The following YTHDF1 variants were observed in gnomAD, a reference collection of about 807,000 sequenced individuals.
YTHDF1 encodes the protein YTH domain-containing family protein 1.
YTHDF1 carries 16 observed loss-of-function variants against 49.1 expected under a neutral mutation model. The ratio of observed to expected loss-of-function variants is 0.33; its 90% CI spans 0.22 to 0.49. The LOEUF (loss-of-function observed/expected upper bound fraction) is 0.49, where lower values mean the gene tolerates loss of function less well. Among genes scored for constraint, YTHDF1 ranks in the 20% least tolerant of loss-of-function variants. The pLI, the probability that YTHDF1 is intolerant of heterozygous loss-of-function variation, is 0.99. For synonymous variants in YTHDF1, 313 were observed against 290.1 expected, an observed-to-expected ratio of 1.08 and a Z score of -0.80; for missense variants, 621 against 744.3, an observed-to-expected ratio of 0.83 and a Z score of 1.93.
intron 3 of YTHDF1, among the ~76,000 whole-genome samples, chr20:63,205,751 C>G (rs546511886): frequency 6.6e-6 from 1 of 152,148 alleles, no homozygotes; most frequent in African/African-American, 2.4e-5. Flanking sequence ...TCAGGTGATC[C>G]ACCCGCCTCG....
chr20:63,207,228 G>A (rs2066550800), intron 3 of YTHDF1, among the ~76,000 whole-genome samples: 1 of 152,168 alleles, frequency 6.6e-6, no homozygotes, highest in South Asian at 2.1e-4. Flanking sequence ...CAGCACTTTG[G>A]GAGGCTGAGG....
chr20:63,207,465 TC>T (rs1306113355), intron 3 of YTHDF1, among the ~76,000 whole-genome samples: 1 of 122,648 alleles, frequency 8.2e-6, no homozygotes, highest in African/African-American at 3.0e-5. Context: ...CAAGACTCTG[TC>T]CCCCCCACCC....
Position 63,203,443 on chromosome 20 carries a change from T to G in YTHDF1, c.497A>C (p.Gln166Pro), listed in dbSNP as rs1601234319. ...GAGGGTGTCGCTGTGAAAGCCTGGC[T>G]GCCCATCAACCACCGTGCCACCCAG... ...SSLGGTVVDG[Q>P]PGFHSDTLSK... Residue 166 changes from glutamine (Q) to proline (P), a missense_variant, in exon 4 of 5, where the codon CAG becomes CCG. Around this residue, in one of 2 missense-constraint regions of YTHDF1, gnomAD observed 470 missense variants for 495.8 expected, o/e 0.95. Transcript: ENST00000370339. This position sits in a 1 kb window ranked among gnomAD's most constrained non-coding sequence, Gnocchi z 4.4. 4 of 1,612,770 alleles carry G rather than the reference T, an allele frequency of 2.5e-6. No homozygotes were observed. Among genetic ancestry groups the G allele is most frequent in the Non-Finnish European group, 2.5e-6 (3 of 1,179,554 alleles).
chr20:63,214,236 C>A, intron 2 of YTHDF1: 1 of 542,334 alleles, frequency 1.8e-6, no homozygotes, highest in Non-Finnish European at 2.4e-6. Flanking sequence ...AGGGTGAAAA[C>A]TGACATGGTC....
intron 2 of YTHDF1, among the ~76,000 whole-genome samples, chr20:63,215,276 C>T (rs1231771608): frequency 3.3e-5 from 5 of 152,200 alleles, no homozygotes; most frequent in Non-Finnish European, 7.3e-5. Flanking sequence ...AGGCAAGTCG[C>T]TCAACCCCTG....
chr20:63,206,355 G>A (rs1343455952), intron 3 of YTHDF1, among the ~76,000 whole-genome samples: 1 of 152,196 alleles, frequency 6.6e-6, no homozygotes, highest in African/African-American at 2.4e-5. Context: ...ACTAAGACAG[G>A]ACATCACTTA....
At position 63,203,498 on chromosome 20, in the gene YTHDF1, C is replaced by T; in HGVS notation, c.442G>A (p.Gly148Arg). ...QGQQTQSSAY[G>R]SSYTYPPSSL... is the part of the protein sequence containing the mutation. ...CTCGGGGGGTAGGTGTAGCTGCTCC[C>T]ATACGCGGAGCTCTGGGTCTGCTGA... is the stretch of plus-strand genomic sequence containing the variant. Residue 148 changes from glycine to arginine, a missense_variant, in exon 4 of 5, where the codon GGG (glycine) becomes AGG (arginine). Physicochemically the swap from Gly to Arg is moderately radical, Grantham distance 125. This residue lies in a region of YTHDF1 where 470 missense variants were observed against 495.8 expected (regional missense o/e 0.95). Transcript: ENST00000370339. This position sits in a 1 kb window ranked among gnomAD's most constrained non-coding sequence, Gnocchi z 4.4. The T allele has an allele frequency of 6.2e-7, 1 of 1,613,804 alleles. No individual in the cohort carries two copies. The highest frequency in any genetic ancestry group is 8.5e-7 in the Non-Finnish European group (1 of 1,180,038).
chr20:63,201,768 G>C (rs1446277392), intron 4 of YTHDF1, among the ~76,000 whole-genome samples: 1 of 152,102 alleles, frequency 6.6e-6, no homozygotes, highest in Non-Finnish European at 1.5e-5. Context: ...ATAAAGCAAC[G>C]ACCTCCAGAT....
chr20:63,205,416 C>T (rs1448662600), intron 3 of YTHDF1, among the ~76,000 whole-genome samples: 1 of 152,226 alleles, frequency 6.6e-6, no homozygotes. Context: ...GCCTCCTGCT[C>T]CCATCCTAGA....
intron 3 of YTHDF1, among the ~76,000 whole-genome samples, chr20:63,213,578 G>A (rs916433762): frequency 5.3e-5 from 8 of 152,150 alleles, no homozygotes; most frequent in Non-Finnish European, 1.0e-4. Context: ...CCTCCACTGC[G>A]TCAAAGGCAA....
chr20:63,198,452 C>G (rs1263259491), intron 4 of YTHDF1, among the ~76,000 whole-genome samples: 1 of 151,878 alleles, frequency 6.6e-6, no homozygotes, highest in African/African-American at 2.4e-5. Context: ...ATCAATCAAT[C>G]TCTTAACAAA....
chr20:63,207,437 C>G (rs1601237251), intron 3 of YTHDF1, among the ~76,000 whole-genome samples: 2 of 151,920 alleles, frequency 1.3e-5, no homozygotes, highest in South Asian at 4.1e-4. Context: ...CCACTGCACT[C>G]CAGCCTGGGT....
At chr20:63,214,631 C>A (rs1204044506) in intron 2 of YTHDF1, among the ~76,000 whole-genome samples, 1 of 152,098 alleles carries the variant, frequency 6.6e-6, no homozygotes, top group Admixed American at 6.5e-5. Context: ...AGGGGGCTTC[C>A]AGGTCATAGG....
At position 63,215,574 on chromosome 20, in the gene YTHDF1, C is replaced by T. The variant is rs758511666; in HGVS notation, c.52+3G>A. 5 of 1,613,386 alleles carry T rather than the reference C, an allele frequency of 3.1e-6. No individual in the cohort carries two copies. The highest frequency in any genetic ancestry group is 2.7e-5 in the African/African-American group (2 of 74,850). On this transcript the variant is annotated splice_donor_region_variant and intron_variant, in intron 2 of 4. Coordinates refer to ENST00000370339, the MANE Select transcript of YTHDF1 (RefSeq NM_017798.4). ...GCGCCGGCCGTCCCGGGACTCCGCT[C>T]ACCTTTATTATCTTGTCCTTTTGTT...
chr20:63,204,751 G>A (rs901465273), intron 3 of YTHDF1, among the ~76,000 whole-genome samples: 35 of 152,146 alleles, frequency 2.3e-4, no homozygotes, highest in African/African-American at 8.2e-4. Flanking sequence ...CATCGTAGGG[G>A]TCTCTGAAGA....
chr20:63,204,886 G>C (rs1432582452), intron 3 of YTHDF1, among the ~76,000 whole-genome samples: 1 of 152,122 alleles, frequency 6.6e-6, no homozygotes, highest in Non-Finnish European at 1.5e-5. Context: ...TGACTTTCGT[G>C]TGAGGTGTGT....
At chr20:63,202,181 C>T in intron 4 of YTHDF1, 106 bp downstream of exon 4, 7 of 1,444,428 alleles carry the variant, frequency 4.8e-6, no homozygotes, top group Non-Finnish European at 6.5e-6. Flanking sequence ...TGTCACGAGA[C>T]TCAGCTCGGC....
intron 2 of YTHDF1, chr20:63,214,186 C>T: frequency 1.1e-6 from 1 of 875,162 alleles, no homozygotes; most frequent in Non-Finnish European, 1.4e-6. Context: ...TGAGATTAAC[C>T]AAATCAAGTG....
chr20:63,215,942 TC>T lies in YTHDF1; in HGVS notation c.-51del. The T allele has an allele frequency of 7.6e-7, 1 of 1,311,380 alleles. No individual in the cohort carries two copies. The allele number at this position is 1,311,380 out of a possible 1,614,324, so 81.2% of individuals were successfully genotyped here. A position where few individuals can be genotyped will look rare whatever the true frequency, so the allele number is the denominator to read the frequency against. ...GCCGGGGCGCCCGCCGGCTCGGGCC[TC>T]CCCTAGAGGCCGGGCCTGTCACCCT... On this transcript the variant is annotated 5_prime_UTR_variant, in exon 1 of 5. Coordinates refer to ENST00000370339, the MANE Select transcript of YTHDF1 (RefSeq NM_017798.4).
Sources: gnomAD v4.1 joint callset for allele counts (sites outside exome capture counted in the v4.1 genomes callset) on GRCh38, gnomAD v4.1.1 for gene constraint, gnomAD v4.1.1 regional missense constraint, Gnocchi (gnomAD v3.1) non-coding constraint, MANE v1.5 for transcripts, NCBI Gene and HGNC (gene_info 2026-07-23, HGNC 2026-07-21) for gene names.